OOEP: variants seen among roughly 807,000 people sequenced by gnomAD.
The protein encoded by OOEP is oocyte-expressed protein homolog.
Under a neutral mutation model 13.7 loss-of-function variants are expected in OOEP, and 16 were observed. That is an observed-to-expected ratio of 1.16 (90% CI 0.79 to 1.77). The LOEUF is 1.77. OOEP is among the 40% of genes most tolerant of loss of function. The pLI is 0.00. For synonymous variants in OOEP, 89 were observed against 77.1 expected (o/e 1.15, Z -0.81); for missense variants, 195 against 193.1 (o/e 1.01, Z -0.06).
Position 73,375,138 on chromosome 6 carries a change from TA to T in OOEP, c.26-5754del, listed in dbSNP as rs538119401. ...CACCACACCCAGCCAACTCTTCTTT[TA>T]AAAAACAGACTTTCTTTGCTGACAT... On this transcript the variant is annotated intron_variant, in intron 2 of 3. Transcript: ENST00000370363. Among the ~76,000 whole-genome samples the T allele has an allele frequency of 2.4e-4, 36 of 152,294 alleles. No individual in the cohort carries two copies. The South Asian group carries it at 7.2e-3, about 31-fold the overall frequency.
intron 2 of OOEP, among the ~76,000 whole-genome samples, chr6:73,388,332 A>T (rs1769302519): frequency 6.6e-6 from 1 of 152,184 alleles, no homozygotes; most frequent in African/African-American, 2.4e-5. Flanking sequence ...ATAAAATTTA[A>T]GGGGAAAAGT....
chr6:73,370,484 TG>T (rs1769033362), upstream of OOEP, among the ~76,000 whole-genome samples: 1 of 152,246 alleles, frequency 6.6e-6, no homozygotes, highest in Admixed American at 6.5e-5. Context: ...ATTTGGATTA[TG>T]AAAGGTTTCA....
chr6:73,371,321 G>A (rs936557315), upstream of OOEP, among the ~76,000 whole-genome samples: 1 of 152,086 alleles, frequency 6.6e-6, no homozygotes, highest in Non-Finnish European at 1.5e-5. Context: ...ACCTTAACCT[G>A]GCCAGGCAAG....
chr6:73,385,601 T>C (rs1266173574), intron 2 of OOEP, among the ~76,000 whole-genome samples: 1 of 151,944 alleles, frequency 6.6e-6, no homozygotes, highest in African/African-American at 2.4e-5. Context: ...CTCTCTTTTT[T>C]TTTTTTTTCG....
At chr6:73,387,924 A>C (rs1449672700) in intron 2 of OOEP, among the ~76,000 whole-genome samples, 1 of 152,234 alleles carries the variant, frequency 6.6e-6, no homozygotes, top group Admixed American at 6.5e-5. Context: ...GCTGGAGTGC[A>C]GTAGCGCAAT....
At chr6:73,386,977 GAAAAAAAAAAAAA>G (rs1169476638) in intron 2 of OOEP, among the ~76,000 whole-genome samples, 29 of 30,880 alleles carry the variant, frequency 9.4e-4, no homozygotes, top group African/African-American at 3.3e-3. Flanking sequence ...TTCCATCTCA[GAAAAAAAAAAAAA>G]AAAAAAAAAA....
upstream of OOEP, among the ~76,000 whole-genome samples, chr6:73,372,162 G>A (rs1331433718): frequency 6.6e-6 from 1 of 152,100 alleles, no homozygotes; most frequent in African/African-American, 2.4e-5. Context: ...TTACATTACT[G>A]TAGACAAAGA....
chr6:73,392,424 C>A (rs952515849), intron 2 of OOEP, among the ~76,000 whole-genome samples: 1 of 152,058 alleles, frequency 6.6e-6, no homozygotes, highest in Non-Finnish European at 1.5e-5. Context: ...CTCACCTCAG[C>A]TTCTCAAGTA....
intron 2 of OOEP, chr6:73,391,742 G>T (rs1769350539): frequency 1.3e-5 from 2 of 155,128 alleles, no homozygotes; most frequent in South Asian, 2.0e-4. Context: ...GCAGCCAGAG[G>T]CTGGGAAGGA....
At chr6:73,369,416 T>C (rs1458870978) in intron 1 of OOEP, 31 bp from the exon 2 acceptor site, 9 of 1,592,484 alleles carry the variant, frequency 5.7e-6, no homozygotes, top group Admixed American at 3.5e-5. Context: ...TCTGAGGGGC[T>C]GCACGGTGGC....
chr6:73,378,053 A>G (rs1346792545), intron 2 of OOEP, among the ~76,000 whole-genome samples: 1 of 152,028 alleles, frequency 6.6e-6, no homozygotes, highest in African/African-American at 2.4e-5. Context: ...ATTTATGCCA[A>G]ATGCTCCAGC....
upstream of OOEP, among the ~76,000 whole-genome samples, chr6:73,371,079 T>G (rs1046504686): frequency 1.3e-5 from 2 of 152,094 alleles, no homozygotes; most frequent in Non-Finnish European, 2.9e-5. Context: ...GTGCTGGGAT[T>G]ACAGGCGTGA....
chr6:73,394,184 A>T (rs1227901236), intron 2 of OOEP, among the ~76,000 whole-genome samples: 5 of 148,758 alleles, frequency 3.4e-5, no homozygotes, highest in East Asian at 2.0e-4. Flanking sequence ...TCTCTATTAA[A>T]TTTTTTTTTT....
At chr6:73,394,885 G>A in exon 1 of OOEP, 3 of 1,612,726 alleles carry the variant, frequency 1.9e-6, no homozygotes, top group Non-Finnish European at 2.5e-6. Context: ...AACGACGTCG[G>A]ACGCGCCCCT....
At chr6:73,393,692 C>T (rs146784674) in intron 2 of OOEP, among the ~76,000 whole-genome samples, 109 of 152,268 alleles carry the variant, frequency 7.2e-4, no homozygotes, top group African/African-American at 2.6e-3. Context: ...GTGGTGCACA[C>T]CTGTAGTCCC....
chr6:73,376,174 AATTT>A (rs1190326277), intron 2 of OOEP, among the ~76,000 whole-genome samples: 16 of 152,196 alleles, frequency 1.1e-4, no homozygotes, highest in East Asian at 1.9e-4. Flanking sequence ...GTACTATTTA[AATTT>A]ATTTATCAGT....
chr6:73,379,716 C>T (rs895422709), intron 2 of OOEP, among the ~76,000 whole-genome samples: 23 of 148,866 alleles, frequency 1.5e-4, no homozygotes, highest in Non-Finnish European at 2.5e-4. Flanking sequence ...TAATAGACAA[C>T]AGCTGGTTTC....
chr6:73,371,315 T>C (rs1769050373), upstream of OOEP, among the ~76,000 whole-genome samples: 1 of 151,982 alleles, frequency 6.6e-6, no homozygotes, highest in Non-Finnish European at 1.5e-5. Flanking sequence ...TTTAAAACCT[T>C]AACCTGGCCA....
Position 73,368,824 on chromosome 6 carries a change from T to C in OOEP, c.410A>G (p.His137Arg). Residue 137 changes from histidine to arginine, a missense_variant, in exon 3 of 3, where the codon CAT becomes CGT. His to Arg is a conservative substitution (Grantham distance 29, BLOSUM62 0). Coordinates refer to ENST00000370359, the MANE Select transcript of OOEP (RefSeq NM_001080507.3). ...MKHLEKNLKAHASDPHSPQDP... is the reference protein window; with the variant it reads ...MKHLEKNLKARASDPHSPQDP... ...CTGGGGAGAGTGGGGGTCTGATGCA[T>C]GGGCCTTCAAGTTCTTCTCAAGGTG... 1 of 1,613,760 alleles carries C rather than the reference T, an allele frequency of 6.2e-7. No homozygotes were observed. Among genetic ancestry groups the C allele is most frequent in the African/African-American group, 1.3e-5 (1 of 75,050 alleles).
Sources: allele counts gnomAD v4.1 joint callset (sites outside exome capture counted in the v4.1 genomes callset), GRCh38; gene constraint gnomAD v4.1.1; transcripts MANE v1.5; gene names NCBI Gene and HGNC (gene_info 2026-07-23, HGNC 2026-07-21).